SORCS2: variants seen among roughly 807,000 people sequenced by gnomAD.
The protein encoded by SORCS2 is sortilin related VPS10 domain containing receptor 2, also known as VPS10 domain-containing receptor SorCS2.
In SORCS2, 100 loss-of-function variants were observed where a neutral mutation model predicts 141.6. That is an observed-to-expected ratio of 0.71 (90% CI 0.60 to 0.83). The LOEUF (loss-of-function observed/expected upper bound fraction) is 0.83. Among genes scored for constraint, SORCS2 ranks in the 40% least tolerant of loss-of-function variants. The pLI is 0.00. For missense variants in SORCS2, 1,646 were observed against 1,560.2 expected (o/e 1.05, Z -0.93); for synonymous variants, 789 against 676.9 (o/e 1.17, Z -2.57).
At chr4:7,395,520 C>T (rs998973314) in intron 1 of SORCS2, among the ~76,000 whole-genome samples, 7 of 152,154 alleles carry the variant, frequency 4.6e-5, no homozygotes, top group Non-Finnish European at 7.4e-5. Context: ...GCCGGTGCAT[C>T]CTTATTCCCC....
At chr4:7,545,528 T>G (rs1012027443) in intron 3 of SORCS2, among the ~76,000 whole-genome samples, 1 of 152,096 alleles carries the variant, frequency 6.6e-6, no homozygotes, top group Non-Finnish European at 1.5e-5. Context: ...CCCAGGACAG[T>G]GACTGTGGCC....
chr4:7,722,980 G>A (rs1306941871), intron 18 of SORCS2, among the ~76,000 whole-genome samples: 1 of 152,084 alleles, frequency 6.6e-6, no homozygotes, highest in African/African-American at 2.4e-5. Context: ...AGGGAGGGAG[G>A]GAGAATGTGA....
chr4:7,498,309 C>T (rs1021656482), intron 2 of SORCS2, among the ~76,000 whole-genome samples: 2 of 152,178 alleles, frequency 1.3e-5, no homozygotes, highest in Non-Finnish European at 2.9e-5. Flanking sequence ...ATGTGGGGAT[C>T]GCAACCCTTT....
chr4:7,453,171 TC>T (rs567425937), intron 2 of SORCS2, among the ~76,000 whole-genome samples: 15 of 123,726 alleles, frequency 1.2e-4, no homozygotes, highest in African/African-American at 4.8e-4. Flanking sequence ...TGTGTTGGGG[TC>T]AGGCTCTGTG....
chr4:7,729,447 C>T (rs1727449288), intron 22 of SORCS2, 140 bp from the exon 23 acceptor site: 1 of 1,169,894 alleles, frequency 8.5e-7, no homozygotes, highest in Non-Finnish European at 1.2e-6. Context: ...GGAAGGATCC[C>T]CACGCCATGC....
chr4:7,218,120 CA>C (rs1268973523), intron 1 of SORCS2, among the ~76,000 whole-genome samples: 1 of 152,116 alleles, frequency 6.6e-6, no homozygotes, highest in Non-Finnish European at 1.5e-5. Flanking sequence ...CTCCTGAAGC[CA>C]AAGTTTATCT....
At chr4:7,649,216 C>T (rs986462814) in intron 4 of SORCS2, among the ~76,000 whole-genome samples, 1 of 152,100 alleles carries the variant, frequency 6.6e-6, no homozygotes, top group East Asian at 1.9e-4. Flanking sequence ...AGGCAGGGGG[C>T]ACAGCACGCG....
At chr4:7,543,915 C>CCCATCCATCCAT (rs1560373743) in intron 3 of SORCS2, among the ~76,000 whole-genome samples, 394 of 31,168 alleles carry the variant, frequency 0.013, 18 homozygotes, top group Non-Finnish European at 0.016. Context: ...CACCCATCCA[C>CCCATCCATCCAT]CCATCCACCC....
intron 3 of SORCS2, among the ~76,000 whole-genome samples, chr4:7,589,550 C>T (rs1305737849): frequency 1.3e-5 from 2 of 152,086 alleles, no homozygotes; most frequent in South Asian, 2.1e-4. Flanking sequence ...CTATAGGCGC[C>T]TGCCACCATG....
At chr4:7,326,225 G>A (rs1036857737) in intron 1 of SORCS2, among the ~76,000 whole-genome samples, 1 of 152,086 alleles carries the variant, frequency 6.6e-6, no homozygotes, top group African/African-American at 2.4e-5. Flanking sequence ...AAGACAGAGG[G>A]TTCTGTCCTG....
At chr4:7,576,157 C>T (rs575966304) in intron 3 of SORCS2, among the ~76,000 whole-genome samples, 2 of 152,352 alleles carry the variant, frequency 1.3e-5, no homozygotes, top group East Asian at 3.9e-4. Context: ...GAAAGGTCAA[C>T]ACCACTAACA....
At chr4:7,494,414 T>C (rs1236833299) in intron 2 of SORCS2, among the ~76,000 whole-genome samples, 3 of 152,238 alleles carry the variant, frequency 2.0e-5, no homozygotes, top group African/African-American at 7.2e-5. Flanking sequence ...CATTTGTTTC[T>C]TAATTCTGGA....
intron 1 of SORCS2, among the ~76,000 whole-genome samples, chr4:7,363,024 CCAT>C (rs1246684662): frequency 1.3e-5 from 2 of 149,808 alleles, no homozygotes; most frequent in East Asian, 3.9e-4. Context: ...ATCACCATCA[CCAT>C]AACCATCATT....
intron 1 of SORCS2, among the ~76,000 whole-genome samples, chr4:7,386,543 TAC>T (rs1310114538): frequency 1.3e-5 from 1 of 74,346 alleles, no homozygotes; most frequent in African/African-American, 5.8e-5. Flanking sequence ...CACATACAGG[TAC>T]ACAGAGATAC....
chr4:7,242,625 A>T (rs1007138414), intron 1 of SORCS2, among the ~76,000 whole-genome samples: 5 of 151,834 alleles, frequency 3.3e-5, no homozygotes, highest in African/African-American at 4.8e-5. Context: ...TCTGGAGTGA[A>T]TTTCTCCCTA....
chr4:7,398,329 G>T (rs1239869653), intron 2 of SORCS2, among the ~76,000 whole-genome samples: 1 of 152,222 alleles, frequency 6.6e-6, no homozygotes, highest in Non-Finnish European at 1.5e-5. Context: ...GCTCCAGAGA[G>T]CCTCCGTCTC....
chr4:7,391,376 C>T (rs564029674), intron 1 of SORCS2, among the ~76,000 whole-genome samples: 15 of 152,286 alleles, frequency 9.8e-5, no homozygotes, highest in African/African-American at 2.9e-4. Context: ...CTCCCACTGC[C>T]GGAGCTTTGA....
rs1044519228 is a variant in SORCS2, at chr4:7,711,264, C to T, written c.1869-1469C>T. ...AGGCTTGCCTGGCTGAGAGGTGCCC[C>T]GTGGAGCCAAATCTTCAAATATCAG... On this transcript the variant is annotated intron_variant, in intron 14 of 26. Coordinates refer to ENST00000507866, the MANE Select transcript of SORCS2 (RefSeq NM_020777.3). Among the ~76,000 whole-genome samples the T allele has an allele frequency of 2.0e-5, 3 of 152,312 alleles. No homozygotes were observed. The South Asian group carries it at 6.2e-4, about 32-fold the overall frequency.
Position 7,201,880 on chromosome 4 carries a change from A to G in SORCS2, c.480+8754A>G, listed in dbSNP as rs2108862366. Among the ~76,000 whole-genome samples, 1 of 152,024 alleles carries G rather than the reference A, an allele frequency of 6.6e-6. No individual in the cohort carries two copies. Among genetic ancestry groups the G allele is most frequent in the Non-Finnish European group, 1.5e-5 (1 of 67,994 alleles). ...GTCCTCCCCTTTTGGAAGTCCAGGG[A>G]GCAGAGATCCCTGGCTCTGGCCACC... On this transcript the variant is annotated intron_variant, in intron 1 of 26. Transcript: ENST00000507866. The surrounding 1 kb of genome is among the most constrained non-coding windows in gnomAD (Gnocchi z 4.4).
Sources: gnomAD v4.1 joint callset for allele counts (sites outside exome capture counted in the v4.1 genomes callset) on GRCh38, gnomAD v4.1.1 for gene constraint, Gnocchi (gnomAD v3.1) non-coding constraint, MANE v1.5 for transcripts, NCBI Gene and HGNC (gene_info 2026-07-23, HGNC 2026-07-21) for gene names.